Variants in UQCC6 observed in about 807,000 individuals in gnomAD.
The protein encoded by UQCC6 is protein BRAWNIN.
chr12:103,957,088 G>T, the UQCC6 span: 1 of 296,374 alleles, frequency 3.4e-6, no homozygotes, highest in Non-Finnish European at 6.6e-6. Flanking sequence ...GAGAGGAACT[G>T]TGGACTTCAC....
the UQCC6 span, chr12:103,951,750 AATG>A: frequency 1.7e-6 from 1 of 587,046 alleles, no homozygotes; most frequent in Non-Finnish European, 3.0e-6. Context: ...CTTGCTACTC[AATG>A]ATAACTCTTT....
the UQCC6 span, among the ~76,000 whole-genome samples, chr12:103,957,912 AT>A: frequency 8.5e-5 from 12 of 141,072 alleles, no homozygotes; most frequent in East Asian, 2.0e-4. Context: ...TATAATATAT[AT>A]TTTTAAATAT....
At chr12:103,957,543 C>A in the UQCC6 span, among the ~76,000 whole-genome samples, 1 of 152,144 alleles carries the variant, frequency 6.6e-6, no homozygotes, top group Admixed American at 6.5e-5. Context: ...GGGAGGTCAC[C>A]CTCCTGTGAC....
chr12:103,961,794 A>C, the UQCC6 span, among the ~76,000 whole-genome samples: 1 of 152,164 alleles, frequency 6.6e-6, no homozygotes, highest in Non-Finnish European at 1.5e-5. Flanking sequence ...TCCTGAGCTC[A>C]GGTGATCCAC....
chr12:103,960,383 C>T, the UQCC6 span, among the ~76,000 whole-genome samples: 1 of 152,080 alleles, frequency 6.6e-6, no homozygotes, highest in South Asian at 2.1e-4. Flanking sequence ...CAATCTGTAC[C>T]ATTTTACATT....
chr12:103,960,771 A>G, the UQCC6 span, among the ~76,000 whole-genome samples: 1 of 152,220 alleles, frequency 6.6e-6, no homozygotes, highest in Non-Finnish European at 1.5e-5. Flanking sequence ...TAATGACATC[A>G]TAACTGTCAA....
At chr12:103,963,177 G>A in the UQCC6 span, among the ~76,000 whole-genome samples, 1 of 151,232 alleles carries the variant, frequency 6.6e-6, no homozygotes, top group African/African-American at 2.4e-5. Context: ...GGGTTCAAGC[G>A]ATTCTCCCAT....
chr12:103,955,472 A>G, the UQCC6 span, among the ~76,000 whole-genome samples: 1 of 152,170 alleles, frequency 6.6e-6, no homozygotes, highest in Non-Finnish European at 1.5e-5. Context: ...CCTTGTCTCT[A>G]CAAAAAATTT....
chr12:103,961,068 G>T, the UQCC6 span, among the ~76,000 whole-genome samples: 2 of 152,024 alleles, frequency 1.3e-5, no homozygotes, highest in African/African-American at 4.8e-5. Flanking sequence ...TGCCCTTGAA[G>T]ACCTTCCAGG....
the UQCC6 span, among the ~76,000 whole-genome samples, chr12:103,963,653 G>A: frequency 3.3e-5 from 5 of 152,088 alleles, no homozygotes; most frequent in African/African-American, 4.8e-5. Context: ...CACTTTTTAT[G>A]ATAGAAATCT....
the UQCC6 span, among the ~76,000 whole-genome samples, chr12:103,959,327 G>GA: frequency 3.9e-5 from 6 of 152,194 alleles, no homozygotes; most frequent in Non-Finnish European, 7.3e-5. Flanking sequence ...GACTGGTATA[G>GA]AAGTCTTTCT....
the UQCC6 span, among the ~76,000 whole-genome samples, chr12:103,961,493 A>G: frequency 3.9e-5 from 6 of 152,106 alleles, no homozygotes; most frequent in Admixed American, 1.3e-4. Context: ...AACTCCATTC[A>G]TGGTAAGTGC....
the UQCC6 span, chr12:103,950,379 GT>G: frequency 6.6e-6 from 1 of 152,252 alleles, no homozygotes; most frequent in Non-Finnish European, 1.5e-5. Flanking sequence ...TCCAAAGACA[GT>G]GTCCCTAAAC....
the UQCC6 span, chr12:103,951,492 A>C: frequency 8.3e-7 from 1 of 1,200,920 alleles, no homozygotes; most frequent in Non-Finnish European, 1.2e-6. Context: ...CATATTTAAG[A>C]CTTATATTAT....
the UQCC6 span, chr12:103,956,595 A>C: frequency 7.4e-7 from 1 of 1,353,926 alleles, no homozygotes; most frequent in South Asian, 1.2e-5. Context: ...AGGTATATTT[A>C]GCTCAAAAAT....
the UQCC6 span, chr12:103,956,859 G>T: frequency 1.0e-5 from 7 of 670,544 alleles, no homozygotes; most frequent in African/African-American, 1.1e-4. Context: ...CGGCGGGGGT[G>T]CAGGAGGACC....
At chr12:103,952,389 C>T in the UQCC6 span, among the ~76,000 whole-genome samples, 4 of 152,148 alleles carry the variant, frequency 2.6e-5, no homozygotes, top group Non-Finnish European at 5.9e-5. Context: ...CTGAATAATG[C>T]TCCATTGTAT....
At chr12:103,961,040 C>T in the UQCC6 span, among the ~76,000 whole-genome samples, 34 of 152,084 alleles carry the variant, frequency 2.2e-4, no homozygotes, top group African/African-American at 6.7e-4. Flanking sequence ...TAGGAGATGA[C>T]GACTCCCTGT....
the UQCC6 span, chr12:103,956,573 T>C: frequency 8.6e-7 from 1 of 1,165,140 alleles, no homozygotes; most frequent in Non-Finnish European, 1.3e-6. Context: ...CTGGGTAATT[T>C]ACAAAGAAAT....
Sources: gnomAD v4.1 joint callset for allele counts (sites outside exome capture counted in the v4.1 genomes callset) on GRCh38, gnomAD v4.1.1 for gene constraint, MANE v1.5 for transcripts, NCBI Gene and HGNC (gene_info 2026-07-23, HGNC 2026-07-21) for gene names.